Variants in PEBP4 observed in about 807,000 individuals in gnomAD.
PEBP4 encodes phosphatidylethanolamine-binding protein 4.
Under a neutral mutation model 23.9 loss-of-function variants are expected in PEBP4, and 22 were observed. The ratio of observed to expected loss-of-function variants is 0.92; its 90% confidence interval spans 0.66 to 1.31. The LOEUF (loss-of-function observed/expected upper bound fraction) is 1.31, where lower values mean the gene tolerates loss of function less well. Ranked by LOEUF, PEBP4 falls within the 40% of genes most tolerant of loss-of-function variation. The pLI, the probability that PEBP4 is intolerant of heterozygous loss-of-function variation, is 0.00. For synonymous variants in PEBP4, 112 were observed against 99.3 expected (o/e 1.13, Z -0.76); for missense variants, 324 against 281.7 (o/e 1.15, Z -1.07).
At chr8:22,801,766 G>T (rs1372129260) in intron 4 of PEBP4, among the ~76,000 whole-genome samples, 1 of 152,000 alleles carries the variant, frequency 6.6e-6, no homozygotes, top group Non-Finnish European at 1.5e-5. Context: ...AGCCACAGCA[G>T]CCCGGCTCCC....
chr8:22,772,749 C>T (rs1173685952), intron 4 of PEBP4, among the ~76,000 whole-genome samples: 7 of 152,190 alleles, frequency 4.6e-5, no homozygotes, highest in Admixed American at 3.9e-4. Context: ...ACTGTCTCCT[C>T]TACCTGAAGG....
intron 3 of PEBP4, among the ~76,000 whole-genome samples, chr8:22,849,896 A>T (rs944057001): frequency 9.9e-5 from 15 of 152,106 alleles, no homozygotes; most frequent in African/African-American, 3.6e-4. Context: ...GGGTTGGGAG[A>T]GAGGACCTCA....
chr8:22,823,168 A>G (rs1563228097), intron 3 of PEBP4, among the ~76,000 whole-genome samples: 1 of 152,004 alleles, frequency 6.6e-6, no homozygotes, highest in East Asian at 1.9e-4. Context: ...ATATATGTAT[A>G]TTTACTACAT....
chr8:22,766,530 G>A (rs1805618299), intron 4 of PEBP4, among the ~76,000 whole-genome samples: 2 of 152,186 alleles, frequency 1.3e-5, no homozygotes, highest in African/African-American at 4.8e-5. Context: ...CAGGAAGCTG[G>A]CCCTTCAGGG....
chr8:22,743,245 G>T (rs1028385121), intron 4 of PEBP4, among the ~76,000 whole-genome samples: 4 of 152,146 alleles, frequency 2.6e-5, no homozygotes, highest in Non-Finnish European at 5.9e-5. Flanking sequence ...GAGAGTGGAG[G>T]CTACTGACCT....
At chr8:22,846,028 C>T (rs1807426470) in intron 3 of PEBP4, among the ~76,000 whole-genome samples, 1 of 152,214 alleles carries the variant, frequency 6.6e-6, no homozygotes, top group Admixed American at 6.5e-5. Flanking sequence ...AGTGGGGGTA[C>T]ATCTAAAAGA....
rs1805984939 is a variant in PEBP4, at chr8:22,784,264, G to C, written c.357+33373C>G. On this transcript the variant is annotated intron_variant, in intron 4 of 6. Coordinates refer to ENST00000256404, the MANE Select transcript of PEBP4 (RefSeq NM_144962.3). Reference sequence around the variant, plus strand: ...GGAGAGGGTGTCAGGGTTGAAGGAAGCTATGAAGGTTTCATGGAAGAGGTG... The same window carrying C: ...GGAGAGGGTGTCAGGGTTGAAGGAACCTATGAAGGTTTCATGGAAGAGGTG... 2.6e-5 allele frequency among the ~76,000 whole-genome samples: 4 copies of C among 152,328 alleles called. No individual in the cohort carries two copies. The South Asian group carries it at 8.3e-4, about 32-fold the overall frequency.
intron 4 of PEBP4, among the ~76,000 whole-genome samples, chr8:22,739,807 A>G (rs1327555981): frequency 1.3e-5 from 2 of 152,174 alleles, no homozygotes; most frequent in African/African-American, 4.8e-5. Context: ...GCCAACGAGA[A>G]GATGGGTACT....
intron 6 of PEBP4, 40 bp from the exon 7 acceptor site, chr8:22,713,576 A>T (rs1804353615): frequency 6.2e-7 from 1 of 1,613,496 alleles, no homozygotes; most frequent in South Asian, 1.1e-5. Flanking sequence ...AGTGAGAAAG[A>T]GCCATGGACT....
At chr8:22,758,223 T>C (rs1167392881) in intron 4 of PEBP4, 1 of 152,186 alleles carries the variant, frequency 6.6e-6, no homozygotes, top group African/African-American at 2.4e-5. Flanking sequence ...CATAGAAGGA[T>C]GGCCTGAGCA....
intron 4 of PEBP4, chr8:22,757,619 A>G (rs962931669): frequency 6.6e-6 from 1 of 152,124 alleles, no homozygotes; most frequent in African/African-American, 2.4e-5. Flanking sequence ...TGCAACTGGA[A>G]ATCAGGCTTC....
intron 4 of PEBP4, among the ~76,000 whole-genome samples, chr8:22,807,725 T>C (rs1585283741): frequency 6.6e-6 from 1 of 152,280 alleles, no homozygotes; most frequent in East Asian, 1.9e-4. Flanking sequence ...TCAACTCTTA[T>C]CTACATTGTG....
rs1462742769 is a variant in PEBP4 at position 22,865,140 on chromosome 8, A to T, written c.259-47405T>A. Among the ~76,000 whole-genome samples the T allele has an allele frequency of 2.7e-5, 4 of 148,560 alleles. No homozygotes were observed. The highest frequency in any genetic ancestry group is 5.9e-5 in the Non-Finnish European group (4 of 67,318). On this transcript the variant is annotated intron_variant, in intron 3 of 6. Coordinates refer to ENST00000256404, the MANE Select transcript of PEBP4 (RefSeq NM_144962.3). This position sits in a 1 kb window ranked among gnomAD's most constrained non-coding sequence, Gnocchi z 6.9. ...AAGGGCTGGGGCGGCCCGGGGAAGA[A>T]CCAGTGCTGGACGGGGCTAGAGGCC...
chr8:22,916,724 A>G (rs1563260311), intron 3 of PEBP4, among the ~76,000 whole-genome samples: 2 of 152,262 alleles, frequency 1.3e-5, no homozygotes. Context: ...TCACCCAGTC[A>G]GCCAGCATGG....
chr8:22,813,170 C>G (rs1376760459), intron 4 of PEBP4, among the ~76,000 whole-genome samples: 1 of 152,154 alleles, frequency 6.6e-6, no homozygotes, highest in South Asian at 2.1e-4. Flanking sequence ...GAAAAGTAGA[C>G]AAAATAATGA....
At chr8:22,757,684 A>C (rs1805418359) in intron 4 of PEBP4, 1 of 152,192 alleles carries the variant, frequency 6.6e-6, no homozygotes, top group Admixed American at 6.5e-5. Context: ...AATCACCCCT[A>C]AGATGCAGCA....
chr8:22,806,779 G>A (rs1179163042), intron 4 of PEBP4, among the ~76,000 whole-genome samples: 1 of 152,180 alleles, frequency 6.6e-6, no homozygotes, highest in Non-Finnish European at 1.5e-5. Flanking sequence ...AACAGTCATT[G>A]AAGCAACATC....
intron 3 of PEBP4, among the ~76,000 whole-genome samples, chr8:22,826,782 G>A (rs576387846): frequency 6.6e-6 from 1 of 152,298 alleles, no homozygotes; most frequent in African/African-American, 2.4e-5. Context: ...GTGGGTGGTG[G>A]TATTGATATG....
chr8:22,802,049 G>C (rs1585280589), intron 4 of PEBP4, among the ~76,000 whole-genome samples: 1 of 152,094 alleles, frequency 6.6e-6, no homozygotes, highest in African/African-American at 2.4e-5. Context: ...CTTCCACCCT[G>C]CTGAAGTCCC....
Sources: allele counts gnomAD v4.1 joint callset (sites outside exome capture counted in the v4.1 genomes callset), GRCh38; gene constraint gnomAD v4.1.1; non-coding constraint Gnocchi (gnomAD v3.1); transcripts MANE v1.5; gene names NCBI Gene and HGNC (gene_info 2026-07-23, HGNC 2026-07-21).